Variants in DCHS1 observed in about 807,000 individuals in gnomAD.
The protein encoded by DCHS1 is dachsous cadherin-related 1.
A neutral mutation model predicts 213.9 loss-of-function variants in DCHS1; 78 were observed. That is an observed-to-expected ratio of 0.36 (90% CI 0.30 to 0.44). The LOEUF (loss-of-function observed/expected upper bound fraction) is 0.44. Ranked by LOEUF, DCHS1 falls within the 20% of genes least tolerant of loss-of-function variation. The pLI is 1.00. For synonymous variants in DCHS1, 1,828 were observed against 1,873.7 expected, an observed-to-expected ratio of 0.98 and a Z score of 0.63; for missense variants, 3,946 against 4,395.9, an observed-to-expected ratio of 0.90 and a Z score of 2.89.
Position 6,627,022 on chromosome 11 carries a change from G to A in DCHS1, c.6017C>T (p.Thr2006Ile). 6.2e-7 allele frequency: 1 copy of A among 1,613,590 alleles called. No homozygotes were observed. The highest frequency in any genetic ancestry group is 8.5e-7 in the Non-Finnish European group (1 of 1,179,786). Reference protein sequence around the residue: ...NASILYRLAGTPPPGTTVDSY... With the variant: ...NASILYRLAGIPPPGTTVDSY... ...GTCCACAGTAGTGCCAGGAGGTGGTGTGCCTGCCAGCCGGTACAGAATGGA... is the reference window on the plus strand; with the variant it reads ...GTCCACAGTAGTGCCAGGAGGTGGTATGCCTGCCAGCCGGTACAGAATGGA... Residue 2006 changes from threonine (T) to isoleucine (I), a missense_variant, in exon 14 of 21, where the codon ACA (threonine) becomes ATA (isoleucine). Around this residue, in one of 3 missense-constraint regions of DCHS1, gnomAD observed 3,384 missense variants for 3,780.1 expected, o/e 0.90. Coordinates refer to ENST00000299441, the MANE Select transcript of DCHS1 (RefSeq NM_003737.4). The surrounding 1 kb of genome is among the most constrained non-coding windows in gnomAD (Gnocchi z 5.4).
chr11:6,649,947 T>C (rs1856220994), intron 1 of DCHS1, among the ~76,000 whole-genome samples: 2 of 152,184 alleles, frequency 1.3e-5, no homozygotes, highest in Admixed American at 1.3e-4. Flanking sequence ...ACTAAGTTAA[T>C]AGCTGAACAC....
intron 1 of DCHS1, among the ~76,000 whole-genome samples, chr11:6,643,477 C>T (rs1190884718): frequency 6.6e-6 from 1 of 152,162 alleles, no homozygotes. Context: ...AAACACTGAT[C>T]ACTGGCTCCT....
chr11:6,628,517 G>T lies in DCHS1; in HGVS notation c.5371+104C>A. 4.6e-6 allele frequency: 6 copies of T among 1,316,514 alleles called. No homozygotes were observed. Among genetic ancestry groups the T allele is most frequent in the Non-Finnish European group, 6.5e-6 (6 of 923,216 alleles). 81.6% of individuals were successfully genotyped at this position (1,316,514 alleles called of 1,614,324 possible). On this transcript the variant is annotated intron_variant, in intron 13 of 20. Transcript: ENST00000299441. The surrounding 1 kb of genome is among the most constrained non-coding windows in gnomAD (Gnocchi z 4.3). Reference sequence around the variant, plus strand: ...AAGAAAAGGTGGACGACATCAAGAGGGAAAAGGAGACCCAGACACATGCAC... The same window carrying T: ...AAGAAAAGGTGGACGACATCAAGAGTGAAAAGGAGACCCAGACACATGCAC...
At position 6,650,800 on chromosome 11, in the gene DCHS1, G is replaced by T. The variant is rs369065199; in HGVS notation, c.-121+4763C>A. On this transcript the variant is annotated intron_variant, in intron 1 of 20. Coordinates refer to ENST00000299441, the MANE Select transcript of DCHS1 (RefSeq NM_003737.4). ...TAGACACCTGGCTCAATGGATTTGGGTCTGCAAACTTCTGGTACTTCTTAA... is the reference window on the plus strand; with the variant it reads ...TAGACACCTGGCTCAATGGATTTGGTTCTGCAAACTTCTGGTACTTCTTAA... 1.2e-3 allele frequency among the ~76,000 whole-genome samples: 181 copies of T among 152,306 alleles called. 5 individuals carry two copies. The South Asian group carries it at 0.036, about 30-fold the overall frequency.
Position 6,641,309 on chromosome 11 carries a change from C to T in DCHS1, c.305G>A (p.Arg102His), listed in dbSNP as rs147257039. Residue 102 changes from arginine (R) to histidine (H), a missense_variant, in exon 2 of 21, where the codon CGT becomes CAT. Physicochemically the swap from Arg to His is conservative, Grantham distance 29. Around this residue, in one of 3 missense-constraint regions of DCHS1, gnomAD observed 3,384 missense variants for 3,780.1 expected, o/e 0.90. Coordinates refer to ENST00000299441, the MANE Select transcript of DCHS1 (RefSeq NM_003737.4). This position sits in a 1 kb window ranked among gnomAD's most constrained non-coding sequence, Gnocchi z 7.1. ...LAIDEHSGVV[R>H]TARVLDREQR... ...CTCACGGTCCAAGACACGGGCTGTA[C>T]GGACGACCCCACTGTGTTCGTCAAT... 2.4e-5 allele frequency: 39 copies of T among 1,613,660 alleles called. No individual in the cohort carries two copies. Among genetic ancestry groups the T allele is most frequent in the Admixed American group, 5.0e-5 (3 of 60,032 alleles).
At position 6,621,669 on chromosome 11, in the gene DCHS1, G is replaced by T; in HGVS notation, c.*110C>A. On this transcript the variant is annotated 3_prime_UTR_variant, in exon 21 of 21. Transcript: ENST00000299441. The stretch of plus-strand genomic sequence containing the variant: ...GGGTGGAGAGCTGGGGCCTGGTGGT[G>T]GCCTCCCCGTAGCCAGTCATAGTCC... 1.5e-6 allele frequency: 2 copies of T among 1,291,650 alleles called. No homozygotes were observed. Among genetic ancestry groups the T allele is most frequent in the Non-Finnish European group, 2.2e-6 (2 of 924,644 alleles). The allele number at this position is 1,291,650 out of a possible 1,614,324, so 80.0% of individuals were successfully genotyped here.
intron 2 of DCHS1, among the ~76,000 whole-genome samples, chr11:6,639,332 T>C (rs1393211686): frequency 6.6e-6 from 1 of 152,194 alleles, no homozygotes; most frequent in Non-Finnish European, 1.5e-5. Context: ...GATATTGAGA[T>C]AATTCTTGCT....
At position 6,634,296 on chromosome 11, in the gene DCHS1, G is replaced by A. The variant is rs779918431; in HGVS notation, c.1808C>T (p.Thr603Ile). 2.5e-6 allele frequency: 4 copies of A among 1,600,250 alleles called. No individual in the cohort carries two copies. The South Asian group carries it at 3.4e-5, about 13-fold the overall frequency. Residue 603 changes from threonine (T) to isoleucine (I), a missense_variant, in exon 3 of 21, where the codon ACA (threonine) becomes ATA (isoleucine). Around this residue, in one of 3 missense-constraint regions of DCHS1, gnomAD observed 3,384 missense variants for 3,780.1 expected, o/e 0.90. Transcript: ENST00000299441. ...GCCAAATGGGCCACTATCCGCGTCTGTGGCTGTCACCTAGGGAGAGGCTGG... is the reference window on the plus strand; with the variant it reads ...GCCAAATGGGCCACTATCCGCGTCTATGGCTGTCACCTAGGGAGAGGCTGG... The part of the protein sequence containing the change: ...PGTCFLQVTA[T>I]DADSGPFGLL...
Position 6,624,827 on chromosome 11 carries a change from G to A in DCHS1, c.7188C>T (p.Leu2396=), listed in dbSNP as rs1855766834. 1 of 1,613,848 alleles carries A rather than the reference G, an allele frequency of 6.2e-7. No homozygotes were observed. The highest frequency in any genetic ancestry group is 1.7e-5 in the Admixed American group (1 of 60,000). ...AGTCCCGATCAGTGGCAGAGACGGAGAGAATGGCACTGCCTGGGGGTGTGT... is the reference window on the plus strand; with the variant it reads ...AGTCCCGATCAGTGGCAGAGACGGAAAGAATGGCACTGCCTGGGGGTGTGT... The part of the protein sequence containing the change: ...LEHTPPGSAI[L]SVSATDRDSG... Residue 2396 remains leucine, a synonymous_variant, in exon 20 of 21, where the codon CTC becomes CTT. Transcript: ENST00000299441.
rs1415061696 is a variant in DCHS1, at chr11:6,655,735, C to G, written c.-293G>C. 3.1e-6 allele frequency: 3 copies of G among 980,588 alleles called. No individual in the cohort carries two copies. Among genetic ancestry groups the G allele is most frequent in the Non-Finnish European group, 3.6e-6 (3 of 827,920 alleles). The allele number at this position is 980,588 out of a possible 1,614,324, so 60.7% of individuals were successfully genotyped here. A position where few individuals can be genotyped will look rare whatever the true frequency, so the allele number is the denominator to read the frequency against. ...CGCCGTCGGTCCGCGCGCCCTTGGC[C>G]GTCGATCGGTCCGTCCGCTGACGCC... On this transcript the variant is annotated 5_prime_UTR_variant, in exon 1 of 21. Coordinates refer to ENST00000299441, the MANE Select transcript of DCHS1 (RefSeq NM_003737.4).
chr11:6,622,654 G>A lies in DCHS1; in HGVS notation c.9022C>T (p.Pro3008Ser), dbSNP rs1464936519. 2.5e-6 allele frequency: 4 copies of A among 1,591,942 alleles called. No individual in the cohort carries two copies. The highest frequency in any genetic ancestry group is 2.7e-5 in the African/African-American group (2 of 74,518). Residue 3008 changes from proline to serine, a missense_variant, in exon 21 of 21, where the codon CCC becomes TCC. Physicochemically the swap from Pro to Ser is moderately conservative, Grantham distance 74. Coordinates refer to ENST00000299441, the MANE Select transcript of DCHS1 (RefSeq NM_003737.4). The surrounding 1 kb of genome is among the most constrained non-coding windows in gnomAD (Gnocchi z 5.4). ...PSEHLYHQTL[P>S]SYGGPGAGGP... ...CCAGCTCCTGGCCCACCATAGCTGG[G>A]AAGAGTCTGGTGATAGAGGTGCTCA...
Position 6,640,320 on chromosome 11 carries a change from G to C in DCHS1, c.1294C>G (p.Arg432Gly), listed in dbSNP as rs748093626. 1.9e-6 allele frequency: 3 copies of C among 1,608,232 alleles called. No individual in the cohort carries two copies. Among genetic ancestry groups the C allele is most frequent in the South Asian group, 1.1e-5 (1 of 90,338 alleles). The change falls in exon 2 of 21, where the codon CGA becomes GGA. Residue 432 changes from arginine (R) to glycine (G), a missense_variant. Transcript: ENST00000299441. This position sits in a 1 kb window ranked among gnomAD's most constrained non-coding sequence, Gnocchi z 6.5. ...YLVCVARRLD[R>G]EERDAYNLRV... The stretch of plus-strand genomic sequence containing the variant: ...AAGTTATAGGCATCCCTCTCCTCTC[G>C]ATCCAGCCGCCGAGCCACACACACC...
In DCHS1 at chr11:6,640,901, T is replaced by C. The variant is rs1856062196; in HGVS notation, c.713A>G (p.Gln238Arg). 2.5e-6 allele frequency: 4 copies of C among 1,614,010 alleles called. No individual in the cohort carries two copies. The East Asian group carries it at 8.9e-5, about 36-fold the overall frequency. Residue 238 changes from glutamine (Q) to arginine (R), a missense_variant, in exon 2 of 21, where the codon CAG (glutamine) becomes CGG (arginine). Around this residue, in one of 3 missense-constraint regions of DCHS1, gnomAD observed 3,384 missense variants for 3,780.1 expected, o/e 0.90. Coordinates refer to ENST00000299441, the MANE Select transcript of DCHS1 (RefSeq NM_003737.4). The surrounding 1 kb of genome is among the most constrained non-coding windows in gnomAD (Gnocchi z 6.5). ...CAGCAGTGTCACGTCCAGCAGGGCCTGGGCCCTCCGGGGGGGTGAACCACC... is the reference window on the plus strand; with the variant it reads ...CAGCAGTGTCACGTCCAGCAGGGCCCGGGCCCTCCGGGGGGGTGAACCACC... ...YDGGSPPRRA[Q>R]ALLDVTLLDI...
chr11:6,635,187 AC>A (rs1330277592), intron 2 of DCHS1: 1 of 152,232 alleles, frequency 6.6e-6, no homozygotes, highest in East Asian at 1.9e-4. Context: ...TCTGATTAAT[AC>A]TGGGATCTGA....
rs60443131 is a variant in DCHS1, at chr11:6,623,004, C to T, written c.8672G>A (p.Arg2891Gln). The change falls in exon 21 of 21, where the codon CGG (arginine) becomes CAG (glutamine). Residue 2891 changes from arginine (R) to glutamine (Q), a missense_variant. By Grantham distance (43) the Arg-to-Gln change is conservative (BLOSUM62 1). This residue lies in a region of DCHS1 where 554 missense variants were observed against 590.2 expected (regional missense o/e 0.94). Coordinates refer to ENST00000299441, the MANE Select transcript of DCHS1 (RefSeq NM_003737.4). ...TATSGGGGRT[R>Q]REAPRELRLE... ...CCTCAGCTCCCGTGGTGCTTCCCGC[C>T]GGGTCCGGCCCCCACCCCCAGAGGT... 2.4e-5 allele frequency: 38 copies of T among 1,570,408 alleles called. No homozygotes were observed. The highest frequency in any genetic ancestry group is 2.2e-4 in the South Asian group (19 of 85,690).
chr11:6,641,650 C>T lies in DCHS1; in HGVS notation c.-37G>A. On this transcript the variant is annotated 5_prime_UTR_variant, in exon 2 of 21. Coordinates refer to ENST00000299441, the MANE Select transcript of DCHS1 (RefSeq NM_003737.4). The surrounding 1 kb of genome is among the most constrained non-coding windows in gnomAD (Gnocchi z 7.1). ...TCCAGCTGTGCCTTGGGCTCCAGCT[C>T]CAGGCCAGGCTCTGGGCCCAGCTTG... The T allele has an allele frequency of 6.7e-7, 1 of 1,503,450 alleles. No individual in the cohort carries two copies. Among genetic ancestry groups the T allele is most frequent in the Non-Finnish European group, 8.9e-7 (1 of 1,119,628 alleles). The allele number at this position is 1,503,450 out of a possible 1,614,324, so 93.1% of individuals were successfully genotyped here.
In DCHS1 at chr11:6,640,047, T is replaced by G; in HGVS notation, c.1567A>C (p.Ile523Leu). The G allele has an allele frequency of 6.2e-7, 1 of 1,613,962 alleles. No individual in the cohort carries two copies. Among genetic ancestry groups the G allele is most frequent in the Non-Finnish European group, 8.5e-7 (1 of 1,179,864 alleles). The stretch of plus-strand genomic sequence containing the variant: ...GTGATAATGCCTGAGGTGGGGTCAA[T>G]GGAGAACCAGTGGGTGTGGGCGCCA... ...APGAHTHWFSIDPTSGIITTA... is the reference protein window; with the variant it reads ...APGAHTHWFSLDPTSGIITTA... Residue 523 changes from isoleucine to leucine, a missense_variant, in exon 2 of 21, where the codon ATT becomes CTT. By Grantham distance (5) the Ile-to-Leu change is conservative (BLOSUM62 2). Around this residue, in one of 3 missense-constraint regions of DCHS1, gnomAD observed 3,384 missense variants for 3,780.1 expected, o/e 0.90. Transcript: ENST00000299441. This position sits in a 1 kb window ranked among gnomAD's most constrained non-coding sequence, Gnocchi z 6.5.
chr11:6,640,600 C>G lies in DCHS1; in HGVS notation c.1014G>C (p.Gly338=). Residue 338 remains glycine, a synonymous_variant, in exon 2 of 21, where the codon GGG becomes GGC. Coordinates refer to ENST00000299441, the MANE Select transcript of DCHS1 (RefSeq NM_003737.4). The surrounding 1 kb of genome is among the most constrained non-coding windows in gnomAD (Gnocchi z 6.5). ...AGGCCGAGCCCAGCTCAGGGTGAGC[C>G]CCACCATCTCGTGCTTGCACCACCA... ...HELVVQARDG[G]AHPELGSAFV... 6.2e-7 allele frequency: 1 copy of G among 1,609,000 alleles called. No individual in the cohort carries two copies. The highest frequency in any genetic ancestry group is 1.6e-4 in the Middle Eastern group (1 of 6,062).
rs1191986523 is a variant in DCHS1 at position 6,623,987 on chromosome 11, T to G, written c.7689A>C (p.Glu2563Asp). 2 of 1,611,678 alleles carry G rather than the reference T, an allele frequency of 1.2e-6. No homozygotes were observed. Among genetic ancestry groups the G allele is most frequent in the Admixed American group, 1.7e-5 (1 of 59,998 alleles). Residue 2563 changes from glutamate (E) to aspartate (D), a missense_variant, in exon 21 of 21, where the codon GAA (glutamate) becomes GAC (aspartate). Coordinates refer to ENST00000299441, the MANE Select transcript of DCHS1 (RefSeq NM_003737.4). ...CTGTTAGATTGTACTGTGTCAGGCTTTCAAAGTCTAGAGGTTCAAGCAACA... is the reference window on the plus strand; with the variant it reads ...CTGTTAGATTGTACTGTGTCAGGCTGTCAAAGTCTAGAGGTTCAAGCAACA... The part of the protein sequence containing the change: ...CLVLLEPLDF[E>D]SLTQYNLTVA...
Sources: allele counts gnomAD v4.1 joint callset (sites outside exome capture counted in the v4.1 genomes callset), GRCh38; gene constraint gnomAD v4.1.1; regional missense constraint gnomAD v4.1.1; non-coding constraint Gnocchi (gnomAD v3.1); transcripts MANE v1.5; gene names NCBI Gene and HGNC (gene_info 2026-07-23, HGNC 2026-07-21).